The following IFT25 variants were observed in gnomAD, a reference collection of about 807,000 sequenced individuals.
The protein encoded by IFT25 is intraflagellar transport 25.
At chr1:53,924,106 G>A in the IFT25 span, among the ~76,000 whole-genome samples, 2 of 148,728 alleles carry the variant, frequency 1.3e-5, no homozygotes, top group African/African-American at 4.9e-5. Flanking sequence ...AAAAATAGAG[G>A]TATATGATAC....
chr1:53,920,125 A>C, the IFT25 span, among the ~76,000 whole-genome samples: 1 of 152,186 alleles, frequency 6.6e-6, no homozygotes, highest in Non-Finnish European at 1.5e-5. Flanking sequence ...ATTCTATCAT[A>C]TCTTCCACAT....
chr1:53,914,726 A>C, the IFT25 span, among the ~76,000 whole-genome samples: 2 of 152,206 alleles, frequency 1.3e-5, no homozygotes, highest in African/African-American at 4.8e-5. Context: ...ATCTCCCAGA[A>C]GGCTATCAGG....
At chr1:53,924,030 A>G in the IFT25 span, 10 of 844,330 alleles carry the variant, frequency 1.2e-5, no homozygotes, top group East Asian at 2.4e-4. Flanking sequence ...TCAGCAAAAT[A>G]TGATATCTGG....
the IFT25 span, among the ~76,000 whole-genome samples, chr1:53,943,695 C>T: frequency 2.0e-5 from 3 of 151,958 alleles, no homozygotes; most frequent in East Asian, 5.8e-4. Context: ...TCGATCTCGG[C>T]TAACTGCAAC....
At chr1:53,933,377 G>A in the IFT25 span, among the ~76,000 whole-genome samples, 28 of 151,960 alleles carry the variant, frequency 1.8e-4, no homozygotes, top group South Asian at 4.1e-4. Flanking sequence ...CTCGTGATCC[G>A]CCCGCCTCGG....
At chr1:53,933,682 A>G in the IFT25 span, among the ~76,000 whole-genome samples, 6 of 152,116 alleles carry the variant, frequency 3.9e-5, no homozygotes, top group African/African-American at 7.2e-5. Context: ...TGACAATCTG[A>G]TATTTAACTG....
At chr1:53,940,313 A>G in the IFT25 span, among the ~76,000 whole-genome samples, 41 of 152,200 alleles carry the variant, frequency 2.7e-4, no homozygotes, top group Admixed American at 2.4e-3. Context: ...GCTTCACAAA[A>G]TAAGTCCCTG....
the IFT25 span, chr1:53,924,064 G>A: frequency 1.4e-6 from 1 of 701,338 alleles, no homozygotes. Context: ...CAGGTTTGAA[G>A]GAATCATCGT....
At chr1:53,917,999 G>A in the IFT25 span, among the ~76,000 whole-genome samples, 3 of 152,034 alleles carry the variant, frequency 2.0e-5, no homozygotes, top group Non-Finnish European at 2.9e-5. Context: ...AAACCAGGTC[G>A]CTTGCCCTGT....
the IFT25 span, among the ~76,000 whole-genome samples, chr1:53,919,362 C>G: frequency 6.6e-6 from 1 of 152,334 alleles, no homozygotes; most frequent in Non-Finnish European, 1.5e-5. Context: ...CTGAGACCAT[C>G]ATCTGAAAAA....
At chr1:53,935,465 T>A in the IFT25 span, among the ~76,000 whole-genome samples, 1 of 152,148 alleles carries the variant, frequency 6.6e-6, no homozygotes, top group East Asian at 1.9e-4. Context: ...GGGGTTTCTT[T>A]TTGGGATGAT....
the IFT25 span, among the ~76,000 whole-genome samples, chr1:53,931,336 A>T: frequency 6.6e-6 from 1 of 152,234 alleles, no homozygotes; most frequent in Non-Finnish European, 1.5e-5. Context: ...GTAAAAGTAT[A>T]TTTAACTTTA....
the IFT25 span, among the ~76,000 whole-genome samples, chr1:53,920,413 A>G: frequency 1.4e-5 from 2 of 145,026 alleles, no homozygotes; most frequent in African/African-American, 2.6e-5. Flanking sequence ...TTTTTTTCTA[A>G]TAAGAGTACC....
At chr1:53,927,515 T>C in the IFT25 span, among the ~76,000 whole-genome samples, 1 of 152,208 alleles carries the variant, frequency 6.6e-6, no homozygotes, top group Non-Finnish European at 1.5e-5. Context: ...CAACATTCTA[T>C]ATTTGCAGTT....
chr1:53,939,407 A>G, the IFT25 span, among the ~76,000 whole-genome samples: 70 of 151,638 alleles, frequency 4.6e-4, no homozygotes, highest in Non-Finnish European at 1.6e-4. Context: ...AAAAAAAAAA[A>G]AGGAGTCCTC....
the IFT25 span, among the ~76,000 whole-genome samples, chr1:53,924,606 G>A: frequency 6.6e-6 from 1 of 152,184 alleles, no homozygotes; most frequent in Non-Finnish European, 1.5e-5. Context: ...GGAGGCCGAG[G>A]TGGGCGGATC....
chr1:53,941,989 A>G, the IFT25 span, among the ~76,000 whole-genome samples: 1 of 152,188 alleles, frequency 6.6e-6, no homozygotes, highest in Non-Finnish European at 1.5e-5. Flanking sequence ...ATACTCAAAG[A>G]ATGATGATTA....
chr1:53,940,106 T>TA, the IFT25 span: 12 of 1,365,950 alleles, frequency 8.8e-6, no homozygotes, highest in African/African-American at 1.2e-4. Flanking sequence ...ACCTGCAAAT[T>TA]AAAAAATAAC....
chr1:53,942,587 T>C, the IFT25 span, among the ~76,000 whole-genome samples: 1 of 152,202 alleles, frequency 6.6e-6, no homozygotes, highest in East Asian at 1.9e-4. Flanking sequence ...CAACCTCTGA[T>C]CTGATAAAAC....
Sources: gnomAD v4.1 joint callset for allele counts (sites outside exome capture counted in the v4.1 genomes callset) on GRCh38, gnomAD v4.1.1 for gene constraint, MANE v1.5 for transcripts, NCBI Gene and HGNC (gene_info 2026-07-23, HGNC 2026-07-21) for gene names.